The following NAAA variants were observed in gnomAD, a reference collection of about 807,000 sequenced individuals.
The protein encoded by NAAA is N-acylethanolamine-hydrolyzing acid amidase.
In NAAA, 39 loss-of-function variants were observed where a neutral mutation model predicts 44.8. The ratio of observed to expected loss-of-function variants is 0.87; its 90% CI spans 0.67 to 1.14. NAAA has a LOEUF of 1.14. Ranked by LOEUF, NAAA falls within the 50% of genes most tolerant of loss-of-function variation. The pLI is 0.00. For synonymous variants in NAAA, 178 were observed against 191.3 expected (o/e 0.93, Z 0.58); for missense variants, 460 against 467.8 (o/e 0.98, Z 0.15).
At chr4:75,926,640 A>G (rs1171627965) in intron 4 of NAAA, among the ~76,000 whole-genome samples, 1 of 152,112 alleles carries the variant, frequency 6.6e-6, no homozygotes, top group African/African-American at 2.4e-5. Flanking sequence ...TGCATTAATA[A>G]GAGATTAATA....
chr4:75,918,197 T>G (rs922040453), intron 9 of NAAA, among the ~76,000 whole-genome samples: 8 of 152,196 alleles, frequency 5.3e-5, no homozygotes, highest in Non-Finnish European at 1.0e-4. Flanking sequence ...CTCACTCCTG[T>G]AATCCCAGCA....
intron 9 of NAAA, 140 bp downstream of exon 9, chr4:75,918,621 A>ACCCACAGGAGTGCC (rs1202780908): frequency 2.8e-5 from 22 of 774,558 alleles, no homozygotes; most frequent in Admixed American, 4.3e-5. Flanking sequence ...TCGCAGCTGT[A>ACCCACAGGAGTGCC]CCCACAGGAG....
At chr4:75,927,296 T>G (rs1726789638) in intron 4 of NAAA, among the ~76,000 whole-genome samples, 1 of 145,300 alleles carries the variant, frequency 6.9e-6, no homozygotes, top group Non-Finnish European at 1.5e-5. Flanking sequence ...TCTACAAAAG[T>G]TAGCCAGGCA....
At chr4:75,924,304 AATT>A (rs1726453451) in intron 5 of NAAA, among the ~76,000 whole-genome samples, 1 of 152,234 alleles carries the variant, frequency 6.6e-6, no homozygotes, top group African/African-American at 2.4e-5. Context: ...CTTTGTGGCA[AATT>A]ATTAAGTACG....
chr4:75,940,657 C>G, intron 1 of NAAA, 87 bp downstream of exon 1: 2 of 1,374,898 alleles, frequency 1.5e-6, no homozygotes, highest in Non-Finnish European at 1.9e-6. Context: ...TAAAGCGTCC[C>G]CGTTTAAAGC....
chr4:75,915,053 AC>A, intron 9 of NAAA, 68 bp from the exon 10 acceptor site: 2 of 1,164,282 alleles, frequency 1.7e-6, no homozygotes, highest in Non-Finnish European at 2.6e-6. Context: ...GAAGAAAATG[AC>A]CAAGTGCTTC....
In NAAA at chr4:75,940,103, A is replaced by G. The variant is rs772198327; in HGVS notation, c.269T>C (p.Phe90Ser). The G allele has an allele frequency of 6.2e-7, 1 of 1,613,986 alleles. No individual in the cohort carries two copies. Among genetic ancestry groups the G allele is most frequent in the Non-Finnish European group, 8.5e-7 (1 of 1,180,044 alleles). The change falls in exon 2 of 11, where the codon TTC becomes TCC. Residue 90 changes from phenylalanine to serine, a missense_variant. Phe to Ser is a radical substitution (Grantham distance 155). Coordinates refer to ENST00000286733, the MANE Select transcript of NAAA (RefSeq NM_014435.4). ...IGKVVLELER[F>S]LPQPFTGEIR... is the part of the protein sequence containing the mutation. ...CTCGCCGGTGAAGGGCTGGGGCAGG[A>G]AGCGCTCCAGCTCCAGGACCACTTT...
At chr4:75,935,073 A>G (rs923574815) in intron 3 of NAAA, 2 of 152,230 alleles carry the variant, frequency 1.3e-5, no homozygotes, top group African/African-American at 4.8e-5. Context: ...ATGCATTTAT[A>G]TTATCGTTAC....
At chr4:75,937,118 T>A (rs34630680) in intron 2 of NAAA, among the ~76,000 whole-genome samples, 112,967 of 152,136 alleles carry the variant, frequency 0.74, 42,100 homozygotes, top group Middle Eastern at 0.83. Context: ...TTGTTTGTTT[T>A]AAGATGGAAA....
At chr4:75,940,336 G>C in intron 1 of NAAA, 171 bp from the exon 2 acceptor site, 2 of 659,964 alleles carry the variant, frequency 3.0e-6, no homozygotes, top group East Asian at 5.6e-5. Context: ...CCTCCCGGGA[G>C]TGGGGGGAAG....
intron 1 of NAAA, among the ~76,000 whole-genome samples, 180 bp downstream of exon 1, chr4:75,940,564 C>T (rs2292534): frequency 0.21 from 32,718 of 152,226 alleles, 4,455 homozygotes; most frequent in East Asian, 0.51. Flanking sequence ...ACTTGAAAGC[C>T]GAACCTGCCG....
downstream of NAAA, chr4:75,913,656 TAA>T (rs762604395): frequency 1.0e-6 from 1 of 979,168 alleles, no homozygotes; most frequent in Non-Finnish European, 1.2e-6. Flanking sequence ...AGCATAACGC[TAA>T]GTTTCTTGGA....
chr4:75,936,730 C>G (rs1727751397), intron 2 of NAAA, among the ~76,000 whole-genome samples: 2 of 152,196 alleles, frequency 1.3e-5, no homozygotes, highest in African/African-American at 4.8e-5. Context: ...ATGGCTGGCT[C>G]TTAAGGGACT....
chr4:75,916,870 C>G (rs1265495914), intron 9 of NAAA: 2 of 144,136 alleles, frequency 1.4e-5, no homozygotes, highest in African/African-American at 5.1e-5. Flanking sequence ...ACCTCTGTCT[C>G]CCGGATTCGA....
At chr4:75,936,571 C>T (rs1043372506) in intron 2 of NAAA, among the ~76,000 whole-genome samples, 2 of 152,160 alleles carry the variant, frequency 1.3e-5, no homozygotes, top group Non-Finnish European at 2.9e-5. Context: ...CTGAACTCTG[C>T]TTTTTCCTCT....
Position 75,913,697 on chromosome 4 carries a change from C to A in NAAA, c.*678G>T, listed in dbSNP as rs1299009497. The A allele has an allele frequency of 1.0e-6, 1 of 983,002 alleles. No homozygotes were observed. The highest frequency in any genetic ancestry group is 1.2e-6 in the Non-Finnish European group (1 of 827,946). The allele number at this position is 983,002 out of a possible 1,614,324, so 60.9% of individuals were successfully genotyped here. ...TTTTTTATTCTCCTTGCCAACATTTCTTTTGACATTTTATTACTTAATTAT... is the reference window on the plus strand; with the variant it reads ...TTTTTTATTCTCCTTGCCAACATTTATTTTGACATTTTATTACTTAATTAT... On this transcript the variant is annotated 3_prime_UTR_variant, in exon 11 of 11. Coordinates refer to ENST00000286733, the MANE Select transcript of NAAA (RefSeq NM_014435.4).
chr4:75,939,750 G>T, intron 2 of NAAA: 1 of 493,492 alleles, frequency 2.0e-6, no homozygotes, highest in Non-Finnish European at 3.7e-6. Context: ...TACCTGGATT[G>T]GGGAAGAGAA....
chr4:75,934,602 C>T (rs1027731689), intron 3 of NAAA, among the ~76,000 whole-genome samples: 3 of 151,866 alleles, frequency 2.0e-5, no homozygotes, highest in Middle Eastern at 3.2e-3. Context: ...GTTGGGATTA[C>T]AGGCGTGAGC....
chr4:75,940,691 T>A, intron 1 of NAAA, 53 bp downstream of exon 1: 1 of 1,548,300 alleles, frequency 6.5e-7, no homozygotes, highest in Middle Eastern at 1.8e-4. Flanking sequence ...CGCGTTTGAC[T>A]CCGACCCGCA....
Sources: gnomAD v4.1 joint callset for allele counts (sites outside exome capture counted in the v4.1 genomes callset) on GRCh38, gnomAD v4.1.1 for gene constraint, MANE v1.5 for transcripts, NCBI Gene and HGNC (gene_info 2026-07-23, HGNC 2026-07-21) for gene names.